The following ATP6V1H variants were observed in gnomAD, a reference collection of about 807,000 sequenced individuals.
ATP6V1H encodes the protein ATPase H+ transporting V1 subunit H.
ATP6V1H carries 39 observed loss-of-function variants against 71.7 expected under a neutral mutation model. The ratio of observed to expected loss-of-function variants is 0.54; its 90% CI spans 0.42 to 0.71. The LOEUF is 0.71. ATP6V1H is among the 30% of genes least tolerant of loss of function. The pLI, the probability that ATP6V1H is intolerant of heterozygous loss-of-function variation, is 0.00. For synonymous variants in ATP6V1H, 192 were observed against 199.3 expected (o/e 0.96, Z 0.31); for missense variants, 509 against 594.9 (o/e 0.86, Z 1.50).
At chr8:53,738,856 T>C (rs1807319344) in intron 13 of ATP6V1H, among the ~76,000 whole-genome samples, 2 of 152,216 alleles carry the variant, frequency 1.3e-5, no homozygotes, top group African/African-American at 4.8e-5. Context: ...AGCAGCAACC[T>C]TCGATTGGGA....
chr8:53,771,858 G>T, intron 10 of ATP6V1H, 131 bp downstream of exon 10: 1 of 740,436 alleles, frequency 1.4e-6, no homozygotes, highest in Non-Finnish European at 2.3e-6. Context: ...CTTCTCAGGA[G>T]ACATTAACGT....
At position 53,724,358 on chromosome 8, in the gene ATP6V1H, T is replaced by C. The variant is rs190464003; in HGVS notation, c.1392-8334A>G. ...AGATTTATAACTCCTGGGGAAGAGA[T>C]TGCTAATGTTCCCTAATATCCTTTT... On this transcript the variant is annotated intron_variant, in intron 13 of 13. Coordinates refer to ENST00000359530, the MANE Select transcript of ATP6V1H (RefSeq NM_015941.4). 3.9e-4 allele frequency among the ~76,000 whole-genome samples: 59 copies of C among 152,226 alleles called. 1 individual carries two copies. Among genetic ancestry groups the C allele is most frequent in the African/African-American group, 1.3e-3 (54 of 41,528 alleles).
chr8:53,840,563 T>C (rs1186326332), intron 2 of ATP6V1H, among the ~76,000 whole-genome samples: 1 of 152,176 alleles, frequency 6.6e-6, no homozygotes, highest in Non-Finnish European at 1.5e-5. Flanking sequence ...ACTAGAGTTT[T>C]AGTTCCTTCA....
chr8:53,756,864 C>G (rs974678680), intron 11 of ATP6V1H, among the ~76,000 whole-genome samples: 1 of 152,160 alleles, frequency 6.6e-6, no homozygotes, highest in African/African-American at 2.4e-5. Flanking sequence ...ACAATGTACA[C>G]CATGCACAAT....
intron 4 of ATP6V1H, among the ~76,000 whole-genome samples, chr8:53,819,027 G>A (rs1810544186): frequency 6.6e-6 from 1 of 151,672 alleles, no homozygotes; most frequent in Non-Finnish European, 1.5e-5. Flanking sequence ...GCAACATAGT[G>A]ATACCCCATC....
intron 9 of ATP6V1H, among the ~76,000 whole-genome samples, chr8:53,792,660 G>A (rs1809603302): frequency 6.6e-6 from 1 of 152,204 alleles, no homozygotes; most frequent in African/African-American, 2.4e-5. Flanking sequence ...GGAGCTGGCA[G>A]ATCTCAGTGA....
At chr8:53,734,834 A>G (rs1807141198) in intron 13 of ATP6V1H, among the ~76,000 whole-genome samples, 1 of 152,032 alleles carries the variant, frequency 6.6e-6, no homozygotes, top group South Asian at 2.1e-4. Context: ...ACTTATTCTA[A>G]TGAAAAAAAA....
chr8:53,835,299 C>T (rs1811122669), intron 2 of ATP6V1H, among the ~76,000 whole-genome samples: 1 of 152,156 alleles, frequency 6.6e-6, no homozygotes, highest in Admixed American at 6.5e-5. Flanking sequence ...GCATGAAGGG[C>T]TCAGGACACT....
chr8:53,809,508 A>C (rs532554629), intron 7 of ATP6V1H, among the ~76,000 whole-genome samples: 36 of 152,284 alleles, frequency 2.4e-4, no homozygotes, highest in African/African-American at 8.7e-4. Flanking sequence ...CCTAACTCAC[A>C]ATCACTCCTG....
chr8:53,797,271 A>G (rs944648789), intron 8 of ATP6V1H, among the ~76,000 whole-genome samples: 3 of 152,182 alleles, frequency 2.0e-5, no homozygotes, highest in African/African-American at 7.2e-5. Context: ...GGAAGAACAG[A>G]CTTCCTCCTG....
intron 9 of ATP6V1H, among the ~76,000 whole-genome samples, chr8:53,787,363 A>T (rs1167117584): frequency 1.3e-5 from 2 of 152,232 alleles, no homozygotes; most frequent in East Asian, 3.8e-4. Context: ...TGGTCAGAAC[A>T]GCCCCACACA....
intron 3 of ATP6V1H, among the ~76,000 whole-genome samples, chr8:53,830,405 T>C (rs1054719996): frequency 1.3e-5 from 2 of 152,182 alleles, no homozygotes; most frequent in African/African-American, 2.4e-5. Context: ...ATCATACTTA[T>C]CCTAGAACTT....
chr8:53,782,440 G>T lies in ATP6V1H; in HGVS notation c.871-10273C>A, dbSNP rs1235321650. ...TGCTTATCAGCTTAAGGAGATTTTG[G>T]GCTGAGACAATGGGGTTTTCTAGAT... On this transcript the variant is annotated intron_variant, in intron 9 of 13. Transcript: ENST00000359530. 4.6e-5 allele frequency among the ~76,000 whole-genome samples: 7 copies of T among 151,726 alleles called. No homozygotes were observed. In the South Asian group the frequency reaches 8.3e-4, roughly 18 times the overall value.
intron 6 of ATP6V1H, among the ~76,000 whole-genome samples, chr8:53,811,849 T>G (rs1029684991): frequency 6.6e-6 from 1 of 152,162 alleles, no homozygotes; most frequent in Non-Finnish European, 1.5e-5. Context: ...ACAACCCAAG[T>G]GCAACGCTCC....
At chr8:53,740,148 T>C (rs1807362041) in intron 13 of ATP6V1H, among the ~76,000 whole-genome samples, 1 of 152,172 alleles carries the variant, frequency 6.6e-6, no homozygotes, top group South Asian at 2.1e-4. Flanking sequence ...ATCAAGAAAC[T>C]TAATATTTAA....
chr8:53,821,386 AAAGAG>A (rs967939296), intron 4 of ATP6V1H, among the ~76,000 whole-genome samples: 2 of 151,608 alleles, frequency 1.3e-5, no homozygotes, highest in African/African-American at 4.8e-5. Context: ...AAAAAAAAAA[AAAGAG>A]AGAGAGAGAG....
chr8:53,808,704 G>A (rs1362494118), intron 7 of ATP6V1H, among the ~76,000 whole-genome samples: 2 of 151,990 alleles, frequency 1.3e-5, no homozygotes, highest in East Asian at 1.9e-4. Flanking sequence ...GTTGGGCTGA[G>A]GCTGGAGGAT....
chr8:53,736,364 C>A (rs1486872317), intron 13 of ATP6V1H, among the ~76,000 whole-genome samples: 1 of 152,194 alleles, frequency 6.6e-6, no homozygotes, highest in Admixed American at 6.5e-5. Context: ...GAAAGACTAA[C>A]ATAGGAGACC....
chr8:53,781,154 C>T lies in ATP6V1H; in HGVS notation c.871-8987G>A, dbSNP rs574937943. ...ATGGTTGAACTAGTTTACAGTCCCA[C>T]CAACAGTGTAAAAGTGTTCCTATTT... On this transcript the variant is annotated intron_variant, in intron 9 of 13. Transcript: ENST00000359530. Among the ~76,000 whole-genome samples, 1,280 of 152,282 alleles carry T rather than the reference C, an allele frequency of 8.4e-3. 7 individuals carry two copies. Among genetic ancestry groups the T allele is most frequent in the Non-Finnish European group, 0.013 (902 of 68,016 alleles).
Sources: gnomAD v4.1 joint callset for allele counts (sites outside exome capture counted in the v4.1 genomes callset) on GRCh38, gnomAD v4.1.1 for gene constraint, MANE v1.5 for transcripts, NCBI Gene and HGNC (gene_info 2026-07-23, HGNC 2026-07-21) for gene names.